The following ITPKB variants were observed in gnomAD, a reference collection of about 807,000 sequenced individuals.
ITPKB encodes the protein inositol-trisphosphate 3-kinase B, also known as IP3 3-kinase B.
A neutral mutation model predicts 69.4 loss-of-function variants in ITPKB; 13 were observed. The observed-to-expected ratio is 0.19, with a 90% CI of 0.12 to 0.30. ITPKB has a LOEUF of 0.30. Ranked by LOEUF, ITPKB falls within the 10% of genes least tolerant of loss-of-function variation. ITPKB has a pLI of 1.00. For missense variants in ITPKB, 1,240 were observed against 1,250.5 expected (o/e 0.99, Z 0.13); for synonymous variants, 584 against 513.7 (o/e 1.14, Z -1.85).
intron 2 of ITPKB, among the ~76,000 whole-genome samples, chr1:226,702,339 A>G (rs1656688743): frequency 6.6e-6 from 1 of 151,112 alleles, no homozygotes; most frequent in Non-Finnish European, 1.5e-5. Flanking sequence ...CGGAAGTTGC[A>G]GTGAGCGGAC....
At chr1:226,676,358 C>T (rs1167273025) in intron 2 of ITPKB, 1 of 152,188 alleles carries the variant, frequency 6.6e-6, no homozygotes, top group Non-Finnish European at 1.5e-5. Flanking sequence ...TTATTTTAAT[C>T]CAAGCGTTCA....
intron 2 of ITPKB, among the ~76,000 whole-genome samples, chr1:226,708,193 T>C (rs886833209): frequency 6.6e-6 from 1 of 152,238 alleles, no homozygotes; most frequent in Non-Finnish European, 1.5e-5. Context: ...TTACAACGAT[T>C]GTAAATACCT....
rs368522487 is a variant in ITPKB at position 226,736,222 on chromosome 1, T to C, written c.1237A>G (p.Arg413Gly). ...ACGGAGGCCAGGGCCCTGGGCAGCC[T>C]GGACCAGCTCAGGGAATCAGAGGAC... The part of the protein sequence containing the change: ...AESSDSLSWS[R>G]LPRALASVGP... Residue 413 changes from arginine to glycine, a missense_variant, in exon 2 of 8, where the codon AGG becomes GGG. Arg to Gly is a moderately radical substitution (Grantham distance 125). This residue lies in a region of ITPKB where 992 missense variants were observed against 853.8 expected (regional missense o/e 1.16). Coordinates refer to ENST00000429204, the MANE Select transcript of ITPKB (RefSeq NM_002221.4). The C allele has an allele frequency of 6.5e-7, 1 of 1,538,514 alleles. No homozygotes were observed. Among genetic ancestry groups the C allele is most frequent in the Admixed American group, 2.1e-5 (1 of 48,250 alleles).
At chr1:226,639,688 G>C (rs1349833959) in intron 5 of ITPKB, 30 bp from the exon 6 acceptor site, 1 of 1,437,590 alleles carries the variant, frequency 7.0e-7, no homozygotes, top group South Asian at 1.1e-5. Flanking sequence ...ACCCAGGAGG[G>C]GGTCAGCAGG....
In ITPKB at chr1:226,735,774, C is replaced by T. The variant is rs1201838974; in HGVS notation, c.1685G>A (p.Ser562Asn). 6.2e-7 allele frequency: 1 copy of T among 1,601,188 alleles called. No individual in the cohort carries two copies. Among genetic ancestry groups the T allele is most frequent in the Non-Finnish European group, 8.5e-7 (1 of 1,169,978 alleles). ...PDKPFLRKAC[S>N]PSNIPAVIIT... ...GATGACAGCAGGTATGTTGCTGGGG[C>T]TGCAGGCCTTCCTCAGGAAAGGCTT... is the stretch of plus-strand genomic sequence containing the variant. The change falls in exon 2 of 8, where the codon AGC (serine) becomes AAC (asparagine). Residue 562 changes from serine (S) to asparagine (N), a missense_variant. Transcript: ENST00000429204.
intron 2 of ITPKB, among the ~76,000 whole-genome samples, chr1:226,694,059 A>G (rs571268764): frequency 3.7e-4 from 56 of 152,244 alleles, no homozygotes; most frequent in Non-Finnish European, 7.2e-4. Context: ...ACTGGCAAAC[A>G]TAGGGCTGGA....
At chr1:226,666,712 T>A (rs1217814073) in intron 2 of ITPKB, among the ~76,000 whole-genome samples, 1 of 152,234 alleles carries the variant, frequency 6.6e-6, no homozygotes, top group East Asian at 1.9e-4. Flanking sequence ...CAGCCTGTCC[T>A]GCCTTGGGTG....
chr1:226,686,549 C>T (rs1222289784), intron 2 of ITPKB, among the ~76,000 whole-genome samples: 1 of 152,214 alleles, frequency 6.6e-6, no homozygotes, highest in Non-Finnish European at 1.5e-5. Context: ...TGCCTCTGTG[C>T]ATCCTCTGGG....
chr1:226,688,018 T>C (rs1007083113), intron 2 of ITPKB, among the ~76,000 whole-genome samples: 3 of 152,156 alleles, frequency 2.0e-5, no homozygotes, highest in East Asian at 1.9e-4. Context: ...AAGCTCCCAA[T>C]TGCCCTACGT....
At position 226,737,341 on chromosome 1, in the gene ITPKB, C is replaced by T; in HGVS notation, c.118G>A (p.Ala40Thr). 6.2e-7 allele frequency: 1 copy of T among 1,602,638 alleles called. No individual in the cohort carries two copies. Among genetic ancestry groups the T allele is most frequent in the Non-Finnish European group, 8.5e-7 (1 of 1,178,196 alleles). The stretch of plus-strand genomic sequence containing the variant: ...AAAACGCTGCCGGGGCTCAGCACTG[C>T]CCTCCTCGGGGGCGGGGGCGTCTCG... ...GSETPPPPRR[A>T]VLSPGSVFSP... Residue 40 changes from alanine (A) to threonine (T), a missense_variant, in exon 2 of 8, where the codon GCA (alanine) becomes ACA (threonine). Around this residue, in one of 2 missense-constraint regions of ITPKB, gnomAD observed 992 missense variants for 853.8 expected, o/e 1.16. Transcript: ENST00000429204.
intron 2 of ITPKB, among the ~76,000 whole-genome samples, chr1:226,700,254 A>G (rs1017637191): frequency 1.3e-5 from 2 of 152,082 alleles, no homozygotes; most frequent in African/African-American, 4.8e-5. Flanking sequence ...GCGGATCACA[A>G]GGTCAGGAGA....
At chr1:226,718,874 C>G (rs566827954) in intron 2 of ITPKB, among the ~76,000 whole-genome samples, 1 of 152,300 alleles carries the variant, frequency 6.6e-6, no homozygotes, top group African/African-American at 2.4e-5. Flanking sequence ...GAGCATTTAT[C>G]ACAAATAAAT....
At chr1:226,662,630 G>T (rs371888364) in intron 2 of ITPKB, among the ~76,000 whole-genome samples, 11 of 152,098 alleles carry the variant, frequency 7.2e-5, no homozygotes, top group East Asian at 3.9e-4. Context: ...TTGGTTAAGG[G>T]GGTCATCCTG....
intron 2 of ITPKB, among the ~76,000 whole-genome samples, chr1:226,678,581 C>T (rs548348052): frequency 9.8e-5 from 15 of 152,328 alleles, no homozygotes; most frequent in African/African-American, 2.9e-4. Context: ...TTGGTTTCCT[C>T]ACCTGTGAAA....
intron 2 of ITPKB, among the ~76,000 whole-genome samples, chr1:226,650,326 C>T (rs1294665605): frequency 6.6e-6 from 1 of 152,220 alleles, no homozygotes; most frequent in Non-Finnish European, 1.5e-5. Flanking sequence ...CCCAGAAACT[C>T]TCACCCCACC....
At chr1:226,695,191 C>T (rs935502220) in intron 2 of ITPKB, among the ~76,000 whole-genome samples, 1 of 152,110 alleles carries the variant, frequency 6.6e-6, no homozygotes, top group African/African-American at 2.4e-5. Context: ...GATTGTGCCA[C>T]TGCACTCCAG....
At position 226,736,469 on chromosome 1, in the gene ITPKB, G is replaced by T. The variant is rs1426929379; in HGVS notation, c.990C>A (p.Ala330=). 2 of 1,613,708 alleles carry T rather than the reference G, an allele frequency of 1.2e-6. No individual in the cohort carries two copies. The highest frequency in any genetic ancestry group is 2.7e-5 in the African/African-American group (2 of 74,944). The part of the protein sequence containing the change: ...DLALTEPSGR[A]RELEDLQPPE... ...GGGGCTGCAGGTCCTCAAGCTCACGGGCTCTCCCAGACGGCTCAGTGAGGG... is the reference window on the plus strand; with the variant it reads ...GGGGCTGCAGGTCCTCAAGCTCACGTGCTCTCCCAGACGGCTCAGTGAGGG... The change falls in exon 2 of 8, where the codon GCC becomes GCA. Residue 330 remains alanine, a synonymous_variant. Transcript: ENST00000429204.
chr1:226,732,424 G>A (rs1657616988), intron 2 of ITPKB, among the ~76,000 whole-genome samples: 6 of 152,058 alleles, frequency 3.9e-5, no homozygotes, highest in Admixed American at 3.9e-4. Context: ...TTTTAGTAGA[G>A]ACGGGGTTTC....
chr1:226,666,903 C>T (rs575555388), intron 2 of ITPKB, among the ~76,000 whole-genome samples: 1 of 152,306 alleles, frequency 6.6e-6, no homozygotes, highest in African/African-American at 2.4e-5. Flanking sequence ...CCTCTCCCCA[C>T]CAATGCGTCC....
Sources: gnomAD v4.1 joint callset for allele counts (sites outside exome capture counted in the v4.1 genomes callset) on GRCh38, gnomAD v4.1.1 for gene constraint, gnomAD v4.1.1 regional missense constraint, MANE v1.5 for transcripts, NCBI Gene and HGNC (gene_info 2026-07-23, HGNC 2026-07-21) for gene names.